Variants in PDE4D observed in about 807,000 individuals in gnomAD.
The protein encoded by PDE4D is 3',5'-cyclic-AMP phosphodiesterase 4D.
PDE4D carries 24 observed loss-of-function variants against 87.4 expected under a neutral mutation model. That is an observed-to-expected ratio of 0.27 (90% CI 0.20 to 0.39). PDE4D has a LOEUF of 0.39. Ranked by LOEUF, PDE4D falls within the 10% of genes least tolerant of loss-of-function variation. The pLI, the probability that PDE4D is intolerant of heterozygous loss-of-function variation, is 1.00. For missense variants in PDE4D, 714 were observed against 1,041.0 expected (o/e 0.69, Z 4.32); for synonymous variants, 384 against 383.2 (o/e 1.00, Z -0.02).
At chr5:60,478,126 C>G (rs932297956) in intron 1 of PDE4D, among the ~76,000 whole-genome samples, 1 of 152,112 alleles carries the variant, frequency 6.6e-6, no homozygotes, top group Non-Finnish European at 1.5e-5. Flanking sequence ...CCCTTAAATT[C>G]AAATTCAAGG....
At chr5:59,281,184 G>T (rs539145224) in intron 1 of PDE4D, among the ~76,000 whole-genome samples, 1 of 152,086 alleles carries the variant, frequency 6.6e-6, no homozygotes, top group South Asian at 2.1e-4. Flanking sequence ...TGTTTTGGGC[G>T]ACTGGGGCAG....
intron 3 of PDE4D, among the ~76,000 whole-genome samples, chr5:59,907,117 C>CT (rs1752918464): frequency 6.6e-6 from 1 of 152,070 alleles, no homozygotes; most frequent in Admixed American, 6.6e-5. Context: ...CCTTAGCAAA[C>CT]TAACGCAGGA....
At position 58,988,478 on chromosome 5, in the gene PDE4D, A is replaced by C. The variant is rs1438348944; in HGVS notation, c.1552+15T>G. 1 of 1,186,556 alleles carries C rather than the reference A, an allele frequency of 8.4e-7. No individual in the cohort carries two copies. The allele number at this position is 1,186,556 out of a possible 1,614,324, so 73.5% of individuals were successfully genotyped here. Reference sequence around the variant, plus strand: ...CAAGGGAAAAATGTGTTCTGAAAAAATAAAGTTTACTTACTTGTATTGATC... The same window carrying C: ...CAAGGGAAAAATGTGTTCTGAAAAACTAAAGTTTACTTACTTGTATTGATC... On this transcript the variant is annotated intron_variant, in intron 11 of 14. Coordinates refer to ENST00000340635, the MANE Select transcript of PDE4D (RefSeq NM_001104631.2).
At chr5:60,494,497 A>G (rs1749706456) in intron 1 of PDE4D, among the ~76,000 whole-genome samples, 2 of 152,164 alleles carry the variant, frequency 1.3e-5, no homozygotes, top group Admixed American at 1.3e-4. Context: ...AAAACAATGT[A>G]TTCTGGAGGA....
chr5:59,371,009 A>G (rs544262688), intron 1 of PDE4D, among the ~76,000 whole-genome samples: 21 of 152,328 alleles, frequency 1.4e-4, no homozygotes, highest in African/African-American at 5.1e-4. Flanking sequence ...GGCCCAACAC[A>G]AATTCATAAA....
chr5:59,325,226 C>A (rs1235943684), intron 1 of PDE4D, among the ~76,000 whole-genome samples: 1 of 152,134 alleles, frequency 6.6e-6, no homozygotes, highest in Non-Finnish European at 1.5e-5. Context: ...AGCTCAGGAA[C>A]TTAAAAGGGG....
intron 2 of PDE4D, among the ~76,000 whole-genome samples, chr5:59,201,406 A>G (rs1325192337): frequency 6.6e-6 from 1 of 152,112 alleles, no homozygotes. Context: ...TATTTTTTCC[A>G]TATAGCGTTT....
intron 1 of PDE4D, among the ~76,000 whole-genome samples, chr5:60,209,746 G>T (rs1218217412): frequency 6.6e-6 from 1 of 151,834 alleles, no homozygotes; most frequent in Non-Finnish European, 1.5e-5. Context: ...GGGAGGGGGA[G>T]AAAAGGAGGG....
rs10061206 is a variant in PDE4D, at chr5:58,975,886, T to C, written c.1831-47A>G. The C allele has an allele frequency of 1.0e-5, 11 of 1,067,600 alleles. No individual in the cohort carries two copies. The highest frequency in any genetic ancestry group is 1.4e-5 in the Non-Finnish European group (11 of 798,048). 66.1% of individuals were successfully genotyped at this position (1,067,600 alleles called of 1,614,324 possible). A position where few individuals can be genotyped will look rare whatever the true frequency, so the allele number is the denominator to read the frequency against. On this transcript the variant is annotated intron_variant, in intron 13 of 14. Transcript: ENST00000340635. The surrounding 1 kb of genome is among the most constrained non-coding windows in gnomAD (Gnocchi z 4.2). ...TCTATTCACTCCTGTTCCTTTTTTT[T>C]AAAAAAAAAAACAAAAAAAACTAGA... is the stretch of plus-strand genomic sequence containing the variant.
At chr5:59,825,933 T>G (rs1189512165) in intron 1 of PDE4D, among the ~76,000 whole-genome samples, 2 of 152,144 alleles carry the variant, frequency 1.3e-5, no homozygotes, top group Non-Finnish European at 1.5e-5. Flanking sequence ...GGAAAGCTGG[T>G]GATGGGAATA....
rs533647638 is a variant in PDE4D, at chr5:59,970,496, T to C, written c.272+17992A>G. On this transcript the variant is annotated intron_variant, in intron 3 of 16. Transcript: ENST00000502484. ...TAATATCCAGAATCTACAATGAACT[T>C]AAACAAATTTACAAGAAAAAAACAA... Among the ~76,000 whole-genome samples the C allele has an allele frequency of 5.7e-3, 871 of 152,042 alleles. 8 individuals are homozygous for C. The highest frequency in any genetic ancestry group is 0.02 in the African/African-American group (812 of 41,432).
intron 1 of PDE4D, among the ~76,000 whole-genome samples, chr5:59,833,207 C>T (rs1003524057): frequency 3.3e-5 from 5 of 151,884 alleles, no homozygotes; most frequent in African/African-American, 7.2e-5. Context: ...CACGTGGCTC[C>T]GGTGATGAAT....
At chr5:59,093,058 C>T (rs770849138) in intron 5 of PDE4D, among the ~76,000 whole-genome samples, 1 of 152,090 alleles carries the variant, frequency 6.6e-6, no homozygotes, top group Non-Finnish European at 1.5e-5. Flanking sequence ...ATAAAGGAAA[C>T]AAGATCAGCA....
chr5:60,321,490 G>T lies in PDE4D; in HGVS notation c.-89-135803C>A, dbSNP rs147955705. On this transcript the variant is annotated intron_variant, in intron 1 of 16. Coordinates refer to the PDE4D transcript ENST00000502484. ...CATTCTGGACTTTGGTCTTGGCAAA[G>T]ATTTCATGACAAAGATGCCAAAAGC... Among the ~76,000 whole-genome samples, 776 of 152,306 alleles carry T rather than the reference G, an allele frequency of 5.1e-3. 5 individuals carry two copies. Among genetic ancestry groups the T allele is most frequent in the Middle Eastern group, 6.8e-3 (2 of 294 alleles).
intron 2 of PDE4D, among the ~76,000 whole-genome samples, chr5:60,147,109 A>T (rs1981848): frequency 0.5 from 76,627 of 151,992 alleles, 19,725 homozygotes; most frequent in Admixed American, 0.56. Flanking sequence ...AGTCTATCGG[A>T]GGACTATGAG....
intron 5 of PDE4D, among the ~76,000 whole-genome samples, chr5:59,124,853 A>G (rs1369020612): frequency 6.6e-6 from 1 of 152,292 alleles, no homozygotes. Flanking sequence ...GCAACCTCCA[A>G]AATTATCTAT....
At chr5:60,484,200 A>C (rs2150222665) in intron 1 of PDE4D, among the ~76,000 whole-genome samples, 1 of 152,108 alleles carries the variant, frequency 6.6e-6, no homozygotes, top group African/African-American at 2.4e-5. Context: ...AAAAAAAAAA[A>C]AAAACCCAAG....
rs1253101234 is a variant in PDE4D, at chr5:59,172,868, G to A, written c.808+7727C>T. On this transcript the variant is annotated intron_variant, in intron 5 of 14. Transcript: ENST00000340635. ...AGCGTATGCATGCCATATATAAGGT[G>A]CATGGAAAATACTGTTGACCAAGCA... 3.3e-5 allele frequency: 5 copies of A among 152,040 alleles called. No homozygotes were observed. The South Asian group carries it at 1.0e-3, about 32-fold the overall frequency. 9.4% of individuals were successfully genotyped at this position (152,040 alleles called of 1,614,324 possible). A position where few individuals can be genotyped will look rare whatever the true frequency, so the allele number is the denominator to read the frequency against.
At chr5:60,006,923 T>A (rs529202975) in intron 2 of PDE4D, among the ~76,000 whole-genome samples, 45 of 152,136 alleles carry the variant, frequency 3.0e-4, no homozygotes, top group African/African-American at 9.9e-4. Flanking sequence ...ATAGTTAGCA[T>A]ACAGCACCTC....
Sources: allele counts gnomAD v4.1 joint callset (sites outside exome capture counted in the v4.1 genomes callset), GRCh38; gene constraint gnomAD v4.1.1; non-coding constraint Gnocchi (gnomAD v3.1); transcripts MANE v1.5; gene names NCBI Gene and HGNC (gene_info 2026-07-23, HGNC 2026-07-21).